MCM9: variants seen among roughly 807,000 people sequenced by gnomAD.
MCM9 encodes the protein DNA helicase MCM9.
A neutral mutation model predicts 72.8 loss-of-function variants in MCM9; 55 were observed. The ratio of observed to expected loss-of-function variants is 0.76; its 90% CI spans 0.61 to 0.95. The LOEUF (loss-of-function observed/expected upper bound fraction) is 0.95. MCM9 is among the 40% of genes least tolerant of loss of function. MCM9 has a pLI of 0.00. For missense variants in MCM9, 1,279 were observed against 1,377.0 expected (o/e 0.93, Z 1.13); for synonymous variants, 480 against 503.4 (o/e 0.95, Z 0.62).
intron 1 of MCM9, among the ~76,000 whole-genome samples, chr6:118,933,964 C>CAA (rs58109173): frequency 1.2e-4 from 12 of 100,320 alleles, no homozygotes; most frequent in Non-Finnish European, 1.6e-4. Context: ...GGACTTTGCC[C>CAA]AAAAAAAAAA....
chr6:118,823,173 C>CTA (rs1773930539), intron 13 of MCM9, among the ~76,000 whole-genome samples: 2 of 152,176 alleles, frequency 1.3e-5, no homozygotes, highest in Admixed American at 6.5e-5. Context: ...ACTCCTGAAG[C>CTA]TAGCTCAGTG....
At chr6:118,874,159 G>T (rs1777788899) in intron 8 of MCM9, among the ~76,000 whole-genome samples, 1 of 152,134 alleles carries the variant, frequency 6.6e-6, no homozygotes, top group Non-Finnish European at 1.5e-5. Context: ...GGAGGCTGAG[G>T]TGGGAGGATC....
At chr6:118,902,967 G>A (rs1779906475) in intron 8 of MCM9, among the ~76,000 whole-genome samples, 1 of 152,200 alleles carries the variant, frequency 6.6e-6, no homozygotes, top group Non-Finnish European at 1.5e-5. Flanking sequence ...TTGCCAGCTA[G>A]AGTCAAAACA....
At chr6:118,904,104 C>T (rs1162390601) in intron 8 of MCM9, among the ~76,000 whole-genome samples, 1 of 151,428 alleles carries the variant, frequency 6.6e-6, no homozygotes, top group Non-Finnish European at 1.5e-5. Flanking sequence ...AGAGAAAGAA[C>T]ATATCTGTGT....
rs1259274691 is a variant in MCM9, at chr6:118,827,918, G to A, written c.1732+9C>T. 1 of 1,550,662 alleles carries A rather than the reference G, an allele frequency of 6.4e-7. No individual in the cohort carries two copies. On this transcript the variant is annotated intron_variant, in intron 11 of 13. Coordinates refer to ENST00000619706, the MANE Select transcript of MCM9 (RefSeq NM_017696.3). ...TCAATACAAGCATCATTCGCTGAAT[G>A]AAATAGACCTTCTGCTAATCGTATC...
chr6:118,925,174 T>A (rs1781789088), intron 3 of MCM9, among the ~76,000 whole-genome samples: 1 of 152,104 alleles, frequency 6.6e-6, no homozygotes, highest in South Asian at 2.1e-4. Context: ...TTGGCTACAA[T>A]GCACCATTGG....
At chr6:118,917,036 G>A (rs1562436958) in intron 6 of MCM9, among the ~76,000 whole-genome samples, 2 of 152,170 alleles carry the variant, frequency 1.3e-5, no homozygotes, top group Non-Finnish European at 2.9e-5. Context: ...CCCAATGGCT[G>A]TGATGTTTTA....
At chr6:118,916,703 T>C (rs1424288226) in intron 6 of MCM9, among the ~76,000 whole-genome samples, 1 of 152,044 alleles carries the variant, frequency 6.6e-6, no homozygotes. Context: ...GGTTTCACCA[T>C]GTTGGCCAGG....
chr6:118,919,049 C>T (rs1156935887), intron 5 of MCM9: 1 of 152,198 alleles, frequency 6.6e-6, no homozygotes, highest in Non-Finnish European at 1.5e-5. Flanking sequence ...TGATCATTTA[C>T]TATATTGTCT....
chr6:118,932,526 G>T (rs1042680642), intron 2 of MCM9, 81 bp downstream of exon 2: 25 of 809,264 alleles, frequency 3.1e-5, no homozygotes, highest in Non-Finnish European at 3.6e-5. Context: ...TGAACACAGT[G>T]TCATTCTTTC....
At chr6:118,918,650 C>G (rs1373135603) in intron 5 of MCM9, 1 of 152,124 alleles carries the variant, frequency 6.6e-6, no homozygotes, top group Non-Finnish European at 1.5e-5. Flanking sequence ...AATCCTGGTC[C>G]CCCCAAATTT....
intron 4 of MCM9, among the ~76,000 whole-genome samples, chr6:118,923,562 C>T (rs1294537633): frequency 6.6e-6 from 1 of 152,160 alleles, no homozygotes; most frequent in Non-Finnish European, 1.5e-5. Flanking sequence ...CTTAAATATT[C>T]ACTTCTTTAA....
chr6:118,853,133 G>C (rs1776330129), intron 9 of MCM9, among the ~76,000 whole-genome samples: 1 of 152,108 alleles, frequency 6.6e-6, no homozygotes, highest in African/African-American at 2.4e-5. Context: ...GTCTTTGTAG[G>C]TGGGAAAACA....
intron 8 of MCM9, among the ~76,000 whole-genome samples, chr6:118,891,451 G>A (rs1778935368): frequency 6.6e-6 from 1 of 152,166 alleles, no homozygotes; most frequent in Non-Finnish European, 1.5e-5. Context: ...CTTTCTCACA[G>A]TTCTGGAAGC....
At chr6:118,894,462 C>A in intron 8 of MCM9, 1 of 1,537,190 alleles carries the variant, frequency 6.5e-7, no homozygotes, top group Non-Finnish European at 8.7e-7. Context: ...TAACCCTTCT[C>A]CTTTCTACAA....
chr6:118,848,998 C>G (rs1043940951), intron 9 of MCM9, among the ~76,000 whole-genome samples: 1 of 151,600 alleles, frequency 6.6e-6, no homozygotes, highest in African/African-American at 2.4e-5. Context: ...ACCGTTGACA[C>G]CAAGCATATT....
intron 8 of MCM9, among the ~76,000 whole-genome samples, chr6:118,910,181 C>T (rs1780440560): frequency 6.8e-6 from 1 of 146,738 alleles, no homozygotes; most frequent in African/African-American, 2.5e-5. Context: ...TTCATGAAAA[C>T]ACATCCTTAG....
At chr6:118,868,509 G>T (rs909474439) in intron 8 of MCM9, among the ~76,000 whole-genome samples, 1 of 151,912 alleles carries the variant, frequency 6.6e-6, no homozygotes, top group Non-Finnish European at 1.5e-5. Context: ...GAAAATTTTT[G>T]CAATCTACCC....
intron 8 of MCM9, among the ~76,000 whole-genome samples, chr6:118,887,948 G>A (rs1255918525): frequency 1.3e-5 from 2 of 152,088 alleles, no homozygotes; most frequent in Non-Finnish European, 2.9e-5. Context: ...TTTAAAAAAG[G>A]GGTGAAGGGA....
Sources: allele counts gnomAD v4.1 joint callset (sites outside exome capture counted in the v4.1 genomes callset), GRCh38; gene constraint gnomAD v4.1.1; transcripts MANE v1.5; gene names NCBI Gene and HGNC (gene_info 2026-07-23, HGNC 2026-07-21).